The following CTNNA3 variants were observed in gnomAD, a reference collection of about 807,000 sequenced individuals.
The protein encoded by CTNNA3 is catenin alpha-3.
In CTNNA3, 76 loss-of-function variants were observed where a neutral mutation model predicts 95.7. The ratio of observed to expected loss-of-function variants is 0.79; its 90% confidence interval spans 0.66 to 0.96. The LOEUF (loss-of-function observed/expected upper bound fraction) is 0.96, where lower values mean the gene tolerates loss of function less well. CTNNA3 is among the 40% of genes least tolerant of loss of function. CTNNA3 has a pLI of 0.00. For synonymous variants in CTNNA3, 431 were observed against 374.4 expected (o/e 1.15, Z -1.74); for missense variants, 1,191 against 1,089.8 (o/e 1.09, Z -1.31).
At chr10:67,579,010 T>C (rs967951065) in intron 3 of CTNNA3, among the ~76,000 whole-genome samples, 1 of 68,350 alleles carries the variant, frequency 1.5e-5, no homozygotes, top group Non-Finnish European at 2.3e-5. Flanking sequence ...TATATATATA[T>C]ATATATATAT....
chr10:67,098,904 C>A (rs1262325065), intron 7 of CTNNA3: 1 of 151,732 alleles, frequency 6.6e-6, no homozygotes, highest in Non-Finnish European at 1.5e-5. Flanking sequence ...AACTGTGAGA[C>A]CGGTATTTTG....
intron 13 of CTNNA3, 25 bp from the exon 14 acceptor site, chr10:66,103,274 C>T: frequency 6.4e-7 from 1 of 1,558,770 alleles, no homozygotes; most frequent in Non-Finnish European, 8.9e-7. Context: ...CAAAACATTG[C>T]TAGTGGGAAT....
At chr10:66,606,581 C>T (rs564787206) in intron 10 of CTNNA3, among the ~76,000 whole-genome samples, 28 of 152,184 alleles carry the variant, frequency 1.8e-4, no homozygotes, top group Admixed American at 2.6e-4. Context: ...CAAACTACAT[C>T]GCAATCAAAT....
In CTNNA3 at chr10:66,617,920, G is replaced by A. The variant is rs1340113055; in HGVS notation, c.1374+3772C>T. Among the ~76,000 whole-genome samples the A allele has an allele frequency of 9.9e-5, 15 of 151,480 alleles. No individual in the cohort carries two copies. In the East Asian group the frequency reaches 1.6e-3, roughly 16 times the overall value. ...CAAGCATTCTTATACACCAATAACA[G>A]ACAAACAGAGAGCCAAATCATGAGT... On this transcript the variant is annotated intron_variant, in intron 10 of 17. Coordinates refer to ENST00000433211, the MANE Select transcript of CTNNA3 (RefSeq NM_013266.4).
chr10:66,062,589 G>A (rs144044813), intron 15 of CTNNA3, among the ~76,000 whole-genome samples: 145 of 152,208 alleles, frequency 9.5e-4, no homozygotes, highest in Middle Eastern at 6.8e-3. Flanking sequence ...TAAAATAGAA[G>A]TAAAGAACAG....
intron 7 of CTNNA3, 133 bp downstream of exon 7, chr10:67,180,184 T>C (rs1472373971): frequency 1.3e-6 from 1 of 777,238 alleles, no homozygotes; most frequent in Non-Finnish European, 2.1e-6. Context: ...AGAACTCACT[T>C]AGAAAATCAA....
At chr10:66,018,520 A>ATTC (rs973868065) in intron 15 of CTNNA3, among the ~76,000 whole-genome samples, 3 of 152,096 alleles carry the variant, frequency 2.0e-5, no homozygotes, top group Non-Finnish European at 2.9e-5. Flanking sequence ...TTTACCAGTC[A>ATTC]TTCTTTATAA....
At chr10:66,842,023 T>G (rs1589319282) in intron 7 of CTNNA3, among the ~76,000 whole-genome samples, 1 of 152,288 alleles carries the variant, frequency 6.6e-6, no homozygotes, top group East Asian at 1.9e-4. Flanking sequence ...CCTCAACTTC[T>G]TGGCTCAAGC....
chr10:66,338,395 A>G (rs530739970), intron 12 of CTNNA3, among the ~76,000 whole-genome samples: 8 of 152,160 alleles, frequency 5.3e-5, no homozygotes, highest in Admixed American at 2.6e-4. Context: ...CTCAGTAAAT[A>G]TACTAAACAT....
chr10:66,136,092 G>A lies in CTNNA3; in HGVS notation c.1885-32843C>T, dbSNP rs529575704. Among the ~76,000 whole-genome samples the A allele has an allele frequency of 2.1e-3, 326 of 151,842 alleles. 2 individuals carry two copies. The highest frequency in any genetic ancestry group is 7.3e-3 in the African/African-American group (301 of 41,478). ...AATTTTTTGTATTTTTAGTAGAGAC[G>A]GGGGTTTCACCATGTTAGCCAGGAT... On this transcript the variant is annotated intron_variant, in intron 13 of 17. Coordinates refer to ENST00000433211, the MANE Select transcript of CTNNA3 (RefSeq NM_013266.4).
chr10:67,621,748 CAA>C (rs3059973), intron 2 of CTNNA3, among the ~76,000 whole-genome samples: 25,581 of 113,376 alleles, frequency 0.23, 2,345 homozygotes, highest in African/African-American at 0.25. Flanking sequence ...GACATCATCT[CAA>C]AAAAAAAAAA....
At chr10:66,936,261 A>G (rs1301773092) in intron 7 of CTNNA3, among the ~76,000 whole-genome samples, 2 of 152,180 alleles carry the variant, frequency 1.3e-5, no homozygotes, top group African/African-American at 4.8e-5. Flanking sequence ...AGACGAAAAG[A>G]GAAAGTCAAA....
At chr10:66,713,850 C>T (rs1848370451) in intron 9 of CTNNA3, among the ~76,000 whole-genome samples, 1 of 152,116 alleles carries the variant, frequency 6.6e-6, no homozygotes, top group African/African-American at 2.4e-5. Flanking sequence ...TGGAAGGAGA[C>T]ACCTTCATTT....
intron 7 of CTNNA3, among the ~76,000 whole-genome samples, chr10:67,051,225 T>C (rs142165041): frequency 1.3e-5 from 2 of 152,266 alleles, no homozygotes; most frequent in African/African-American, 4.8e-5. Context: ...CTCTGAAAAA[T>C]GAAGACGTGA....
Position 65,966,765 on chromosome 10 carries a change from T to C in CTNNA3, c.2266-19A>G. ...CTGGGCACTAAATATGAATCAAAGA[T>C]AAAAATAGATACAGCAGAATAAATA... On this transcript the variant is annotated intron_variant, in intron 16 of 17. Coordinates refer to ENST00000433211, the MANE Select transcript of CTNNA3 (RefSeq NM_013266.4). 1.3e-6 allele frequency: 2 copies of C among 1,578,680 alleles called. No individual in the cohort carries two copies. Among genetic ancestry groups the C allele is most frequent in the Non-Finnish European group, 1.7e-6 (2 of 1,151,900 alleles).
At chr10:67,684,735 C>T (rs1284960826) in intron 1 of CTNNA3, among the ~76,000 whole-genome samples, 8 of 152,100 alleles carry the variant, frequency 5.3e-5, no homozygotes, top group Non-Finnish European at 1.2e-4. Flanking sequence ...TTTGTAAGAC[C>T]ATCTGTAACT....
intron 13 of CTNNA3, among the ~76,000 whole-genome samples, chr10:66,252,127 A>T (rs1217538009): frequency 6.6e-6 from 1 of 152,202 alleles, no homozygotes; most frequent in African/African-American, 2.4e-5. Context: ...ATGAGAGTAA[A>T]AAAGACAATG....
chr10:66,617,232 C>T (rs187503467), intron 10 of CTNNA3, among the ~76,000 whole-genome samples: 153 of 151,918 alleles, frequency 1.0e-3, no homozygotes, highest in African/African-American at 3.4e-3. Context: ...TAAGTCACAG[C>T]TGGAGGAGTG....
At chr10:66,973,900 G>T (rs1405203298) in intron 7 of CTNNA3, among the ~76,000 whole-genome samples, 2 of 152,130 alleles carry the variant, frequency 1.3e-5, no homozygotes, top group African/African-American at 4.8e-5. Context: ...GGGATTACAG[G>T]CGTGAACCAC....
Sources: allele counts gnomAD v4.1 joint callset (sites outside exome capture counted in the v4.1 genomes callset), GRCh38; gene constraint gnomAD v4.1.1; transcripts MANE v1.5; gene names NCBI Gene and HGNC (gene_info 2026-07-23, HGNC 2026-07-21).